The following TNNT1 variants were observed in gnomAD, a reference collection of about 807,000 sequenced individuals.
The protein encoded by TNNT1 is troponin T1, slow skeletal type.
TNNT1 carries 53 observed loss-of-function variants against 50.6 expected under a neutral mutation model. The observed-to-expected ratio is 1.05, with a 90% CI of 0.84 to 1.32. The LOEUF is 1.32. Among genes scored for constraint, TNNT1 ranks in the 40% most tolerant of loss-of-function variants. The pLI, the probability that TNNT1 is intolerant of heterozygous loss-of-function variation, is 0.00. For missense variants in TNNT1, 348 were observed against 381.7 expected (o/e 0.91, Z 0.74); for synonymous variants, 142 against 138.0 (o/e 1.03, Z -0.20).
chr19:55,145,462 C>G, intron 6 of TNNT1, 82 bp downstream of exon 6: 1 of 1,419,256 alleles, frequency 7.0e-7, no homozygotes, highest in Non-Finnish European at 9.9e-7. Flanking sequence ...CCATCTCTGC[C>G]TTTCTCACAC....
Position 55,141,242 on chromosome 19 carries a change from G to A in TNNT1, c.253C>T (p.His85Tyr). The A allele has an allele frequency of 6.2e-7, 1 of 1,614,228 alleles. No homozygotes were observed. The highest frequency in any genetic ancestry group is 8.5e-7 in the Non-Finnish European group (1 of 1,180,034). Residue 85 changes from histidine (H) to tyrosine (Y), a missense_variant, in exon 8 of 14, where the codon CAT becomes TAT. This residue lies in a region of TNNT1 where 253 missense variants were observed against 291.8 expected (regional missense o/e 0.87). Coordinates refer to ENST00000588981, the MANE Select transcript of TNNT1 (RefSeq NM_003283.6). ...TCCTCCTTCTTCCGCTGCTCGAAAT[G>A]TACATCGATGAGTGTCTGCAGCTCC... ...LLELQTLIDV[H>Y]FEQRKKEEEE... is the part of the protein sequence containing the mutation.
At chr19:55,140,255 T>C (rs1171348279) in intron 9 of TNNT1, among the ~76,000 whole-genome samples, 5 of 150,028 alleles carry the variant, frequency 3.3e-5, no homozygotes, top group Non-Finnish European at 7.4e-5. Context: ...AGCTTAGGAG[T>C]TGAAGACCAG....
At chr19:55,143,279 C>T (rs1446671799) in intron 6 of TNNT1, among the ~76,000 whole-genome samples, 5 of 152,078 alleles carry the variant, frequency 3.3e-5, no homozygotes, top group African/African-American at 1.2e-4. Context: ...GGACTATAGG[C>T]GTGAGCCACT....
At chr19:55,137,855 C>T (rs1247813076) in intron 10 of TNNT1, 106 bp downstream of exon 10, 1 of 1,413,466 alleles carries the variant, frequency 7.1e-7, no homozygotes, top group Non-Finnish European at 9.9e-7. Context: ...CTCCCTCAGA[C>T]CCAGGAATCC....
intron 5 of TNNT1, among the ~76,000 whole-genome samples, chr19:55,145,905 A>T (rs1015552587): frequency 2.0e-5 from 3 of 150,042 alleles, no homozygotes; most frequent in African/African-American, 4.9e-5. Flanking sequence ...ATTAGGACCC[A>T]GCAGTGCAGG....
intron 11 of TNNT1, among the ~76,000 whole-genome samples, chr19:55,135,942 G>A (rs1228172029): frequency 4.6e-5 from 7 of 152,200 alleles, no homozygotes; most frequent in Admixed American, 1.3e-4. Context: ...GTCCCCACAC[G>A]GGTAGTTTGA....
chr19:55,147,248 G>A, intron 1 of TNNT1, 80 bp from the exon 2 acceptor site: 4 of 1,399,832 alleles, frequency 2.9e-6, no homozygotes, highest in Non-Finnish European at 4.0e-6. Context: ...TGAGGGAGGA[G>A]GGGCTGGGGG....
intron 11 of TNNT1, among the ~76,000 whole-genome samples, chr19:55,135,289 G>C (rs1474534813): frequency 6.6e-6 from 1 of 152,152 alleles, no homozygotes; most frequent in African/African-American, 2.4e-5. Flanking sequence ...GAAATATTGG[G>C]CTAAAAGTAG....
At chr19:55,142,143 C>T (rs1030019782) in intron 6 of TNNT1, 32 of 501,330 alleles carry the variant, frequency 6.4e-5, no homozygotes, top group Non-Finnish European at 1.0e-4. Flanking sequence ...GTTTTTTTGA[C>T]GGAGTCTTGC....
At chr19:55,140,311 TAAA>T (rs1029556058) in intron 9 of TNNT1, among the ~76,000 whole-genome samples, 10 of 150,584 alleles carry the variant, frequency 6.6e-5, no homozygotes, top group African/African-American at 2.4e-4. Flanking sequence ...AATAAAAAAA[TAAA>T]AAAAACTAGT....
intron 11 of TNNT1, among the ~76,000 whole-genome samples, chr19:55,136,556 C>T (rs1419252725): frequency 1.3e-5 from 2 of 152,292 alleles, no homozygotes; most frequent in Admixed American, 6.5e-5. Context: ...CAGGGGCTTT[C>T]GGTGCAAGCG....
At position 55,133,874 on chromosome 19, in the gene TNNT1, C is replaced by A; in HGVS notation, c.791+13G>T. The A allele has an allele frequency of 1.2e-6, 2 of 1,613,746 alleles. No individual in the cohort carries two copies. The highest frequency in any genetic ancestry group is 1.7e-6 in the Non-Finnish European group (2 of 1,179,968). Reference sequence around the variant, plus strand: ...TAGGGACAAGAGCAAGGGCTTGAGACGGTCACACTCACAACTTCTGGGCGT... The same window carrying A: ...TAGGGACAAGAGCAAGGGCTTGAGAAGGTCACACTCACAACTTCTGGGCGT... On this transcript the variant is annotated intron_variant, in intron 13 of 13. Transcript: ENST00000588981.
intron 13 of TNNT1, chr19:55,133,519 A>T: frequency 2.8e-6 from 1 of 352,616 alleles, no homozygotes; most frequent in Non-Finnish European, 5.3e-6. Context: ...CTCTACTAAA[A>T]ATACAAAAAT....
chr19:55,138,335 T>C (rs1397599601), intron 9 of TNNT1, among the ~76,000 whole-genome samples: 2 of 151,176 alleles, frequency 1.3e-5, no homozygotes, highest in African/African-American at 4.9e-5. Context: ...TGGAGTGCAG[T>C]GGTGCGATCT....
At chr19:55,141,039 T>C in intron 8 of TNNT1, 79 bp from the exon 9 acceptor site, 7 of 1,569,266 alleles carry the variant, frequency 4.5e-6, no homozygotes, top group Non-Finnish European at 6.1e-6. Flanking sequence ...ATAAACAGAT[T>C]GGAGTGTGGC....
intron 7 of TNNT1, among the ~76,000 whole-genome samples, chr19:55,141,541 T>C (rs1322415251): frequency 7.1e-6 from 1 of 140,650 alleles, no homozygotes; most frequent in Non-Finnish European, 1.5e-5. Flanking sequence ...TGGAGTGAAA[T>C]GGCGCGATCT....
intron 13 of TNNT1, among the ~76,000 whole-genome samples, chr19:55,133,397 C>A (rs899186857): frequency 2.6e-5 from 4 of 151,908 alleles, no homozygotes; most frequent in Non-Finnish European, 2.9e-5. Context: ...AAGACCCTCT[C>A]GGCTGGGCGC....
At chr19:55,145,646 G>A in intron 5 of TNNT1, 81 bp from the exon 6 acceptor site, 2 of 1,534,636 alleles carry the variant, frequency 1.3e-6, no homozygotes, top group Non-Finnish European at 1.8e-6. Flanking sequence ...CCTGGGGAGG[G>A]ACCCCCCAAG....
chr19:55,147,209 A>C, intron 1 of TNNT1, 41 bp from the exon 2 acceptor site: 1 of 1,601,798 alleles, frequency 6.2e-7, no homozygotes, highest in Non-Finnish European at 8.5e-7. Context: ...GTGGGGCCCC[A>C]AGGAGGGGGC....
Sources: gnomAD v4.1 joint callset for allele counts (sites outside exome capture counted in the v4.1 genomes callset) on GRCh38, gnomAD v4.1.1 for gene constraint, gnomAD v4.1.1 regional missense constraint, MANE v1.5 for transcripts, NCBI Gene and HGNC (gene_info 2026-07-23, HGNC 2026-07-21) for gene names.